Variants in ARFGEF1 observed in about 807,000 individuals in gnomAD.
ARFGEF1 encodes the protein brefeldin A-inhibited guanine nucleotide-exchange protein 1.
Under a neutral mutation model 231.0 loss-of-function variants are expected in ARFGEF1, and 42 were observed. The observed-to-expected ratio is 0.18, with a 90% CI of 0.14 to 0.24. ARFGEF1 has a LOEUF of 0.24. Among genes scored for constraint, ARFGEF1 ranks in the 10% least tolerant of loss-of-function variants. ARFGEF1 has a pLI of 1.00. For missense variants in ARFGEF1, 1,345 were observed against 2,192.0 expected, an observed-to-expected ratio of 0.61 and a Z score of 7.72; for synonymous variants, 710 against 732.3, an observed-to-expected ratio of 0.97 and a Z score of 0.49.
intron 1 of ARFGEF1, among the ~76,000 whole-genome samples, chr8:67,337,626 AGCACACATCCATCTT>A (rs1808409079): frequency 6.6e-6 from 1 of 152,010 alleles, no homozygotes; most frequent in Non-Finnish European, 1.5e-5. Flanking sequence ...AAACACACCA[AGCACACATCCATCTT>A]GCTATTTCCT....
At chr8:67,186,619 T>A (rs1458903880) in intron 5 of ARFGEF1, among the ~76,000 whole-genome samples, 1 of 152,154 alleles carries the variant, frequency 6.6e-6, no homozygotes, top group African/African-American at 2.4e-5. Context: ...CCTGCTAAGA[T>A]CAGGATGTCC....
chr8:67,301,217 G>A lies in ARFGEF1; in HGVS notation c.312+7C>T, dbSNP rs549997919. On this transcript the variant is annotated splice_region_variant and intron_variant, in intron 3 of 38. Transcript: ENST00000262215. Reference sequence around the variant, plus strand: ...ACAGTTTTTAGAAAGTGCCATTTTAGACATACCTGTAAGCAATCTAGAGAT... The same window carrying A: ...ACAGTTTTTAGAAAGTGCCATTTTAAACATACCTGTAAGCAATCTAGAGAT... The A allele has an allele frequency of 9.9e-5, 158 of 1,592,352 alleles. 3 individuals are homozygous for A. The South Asian group carries it at 1.8e-3, about 18-fold the overall frequency.
rs773167167 is a variant in ARFGEF1, at chr8:67,226,161, A to C, written c.3939T>G (p.Phe1313Leu). The C allele has an allele frequency of 1.2e-6, 2 of 1,607,292 alleles. No individual in the cohort carries two copies. Among genetic ancestry groups the C allele is most frequent in the East Asian group, 2.2e-5 (1 of 44,658 alleles). ...CCTGGAAAGAATCAATGGTCGCTGG[A>C]AAGTGTTTTTCAAATACAAGGGCTA... ...HIVTLVFEKH[F>L]PATIDSFQDA... Residue 1313 changes from phenylalanine (F) to leucine (L), a missense_variant, in exon 28 of 39, where the codon TTT becomes TTG. Transcript: ENST00000262215.
chr8:67,309,337 G>A (rs969160071), intron 1 of ARFGEF1, among the ~76,000 whole-genome samples: 1 of 152,212 alleles, frequency 6.6e-6, no homozygotes, highest in Non-Finnish European at 1.5e-5. Context: ...AAGCTTTAGT[G>A]ATCTGTTACA....
At chr8:67,342,974 ACCCCGCCTCTG>A (rs1486264006) in intron 1 of ARFGEF1, among the ~76,000 whole-genome samples, 179 bp downstream of exon 1, 1 of 148,910 alleles carries the variant, frequency 6.7e-6, no homozygotes, top group Non-Finnish European at 1.5e-5. Context: ...TTCCTCCTCT[ACCCCGCCTCTG>A]CCCCACATCC....
At chr8:67,318,913 C>T (rs1807450824) in intron 1 of ARFGEF1, among the ~76,000 whole-genome samples, 1 of 152,188 alleles carries the variant, frequency 6.6e-6, no homozygotes, top group Non-Finnish European at 1.5e-5. Context: ...GTGATAGCTG[C>T]AGTGAGCTAG....
At chr8:67,244,255 A>AC (rs1432131266) in intron 19 of ARFGEF1, among the ~76,000 whole-genome samples, 1 of 28,426 alleles carries the variant, frequency 3.5e-5, no homozygotes, top group African/African-American at 2.1e-4. Flanking sequence ...AAAAAAAAAA[A>AC]AAAAAAAAAA....
At chr8:67,189,321 T>C (rs1302404471) in intron 5 of ARFGEF1, among the ~76,000 whole-genome samples, 1 of 152,202 alleles carries the variant, frequency 6.6e-6, no homozygotes, top group African/African-American at 2.4e-5. Context: ...CACAGATACT[T>C]ATAGCACCTT....
intron 5 of ARFGEF1, among the ~76,000 whole-genome samples, chr8:67,185,104 CAAAAAA>C (rs562540567): frequency 1.6e-5 from 2 of 121,952 alleles, no homozygotes; most frequent in African/African-American, 5.8e-5. Flanking sequence ...GACTCCGTCT[CAAAAAA>C]AAAAAAACAA....
intron 1 of ARFGEF1, among the ~76,000 whole-genome samples, chr8:67,327,943 C>G (rs1270537976): frequency 6.6e-6 from 1 of 152,052 alleles, no homozygotes; most frequent in Non-Finnish European, 1.5e-5. Context: ...TAATTATAAA[C>G]AGCAAAATGA....
chr8:67,335,231 A>G (rs1005082066), intron 1 of ARFGEF1, among the ~76,000 whole-genome samples: 1 of 149,514 alleles, frequency 6.7e-6, no homozygotes, highest in Non-Finnish European at 1.5e-5. Flanking sequence ...TCAGCCTCCC[A>G]AGTAGCTAGG....
At chr8:67,216,479 T>C (rs996715039) in intron 33 of ARFGEF1, 111 bp downstream of exon 33, 13 of 1,001,666 alleles carry the variant, frequency 1.3e-5, no homozygotes, top group Non-Finnish European at 1.9e-5. Flanking sequence ...TCTCAGATAT[T>C]TTTTTAATAG....
At chr8:67,227,084 A>T in intron 27 of ARFGEF1, 53 bp downstream of exon 27, 1 of 1,489,674 alleles carries the variant, frequency 6.7e-7, no homozygotes, top group East Asian at 2.3e-5. Context: ...TGAACACGTT[A>T]AGGTTGCTTT....
intron 19 of ARFGEF1, 96 bp from the exon 20 acceptor site, chr8:67,240,386 A>T: frequency 8.3e-7 from 1 of 1,198,654 alleles, no homozygotes; most frequent in Non-Finnish European, 1.1e-6. Flanking sequence ...AAAAAAAGAA[A>T]TGAAATTCTT....
chr8:67,314,820 A>C (rs1377938596), intron 1 of ARFGEF1, among the ~76,000 whole-genome samples: 1 of 151,760 alleles, frequency 6.6e-6, no homozygotes, highest in Non-Finnish European at 1.5e-5. Context: ...AAAATCTTTG[A>C]GCCCAGGAGT....
At chr8:67,303,161 T>A (rs891104770) in intron 1 of ARFGEF1, among the ~76,000 whole-genome samples, 1 of 152,018 alleles carries the variant, frequency 6.6e-6, no homozygotes, top group African/African-American at 2.4e-5. Flanking sequence ...TCACAAAATG[T>A]ACGGCAGATG....
At chr8:67,190,997 T>TG (rs201190888) in intron 5 of ARFGEF1, among the ~76,000 whole-genome samples, 1 of 152,154 alleles carries the variant, frequency 6.6e-6, no homozygotes, top group African/African-American at 2.4e-5. Flanking sequence ...AAGTAGCTCC[T>TG]CATCCCAACC....
At position 67,325,213 on chromosome 8, in the gene ARFGEF1, G is replaced by A. The variant is rs1022036733; in HGVS notation, c.124+17951C>T. On this transcript the variant is annotated intron_variant, in intron 1 of 38. Coordinates refer to ENST00000262215, the MANE Select transcript of ARFGEF1 (RefSeq NM_006421.5). ...CAGGCGTGAGCCACCACACCAGGCC[G>A]AAAAATCCACTTTTTTTTTTTTTTT... Among the ~76,000 whole-genome samples the A allele has an allele frequency of 4.1e-5, 6 of 146,576 alleles. No individual in the cohort carries two copies. The East Asian group carries it at 6.0e-4, about 15-fold the overall frequency.
chr8:67,197,439 A>T (rs957036711), downstream of ARFGEF1, among the ~76,000 whole-genome samples: 1 of 152,178 alleles, frequency 6.6e-6, no homozygotes, highest in Non-Finnish European at 1.5e-5. Context: ...ACAGAGTGAG[A>T]TCCGGTCTCT....
Sources: gnomAD v4.1 joint callset for allele counts (sites outside exome capture counted in the v4.1 genomes callset) on GRCh38, gnomAD v4.1.1 for gene constraint, MANE v1.5 for transcripts, NCBI Gene and HGNC (gene_info 2026-07-23, HGNC 2026-07-21) for gene names.